Variants in PPP2R1B observed in about 807,000 individuals in gnomAD.
PPP2R1B encodes the protein serine/threonine-protein phosphatase 2A 65 kDa regulatory subunit A beta isoform.
A neutral mutation model predicts 72.7 loss-of-function variants in PPP2R1B; 58 were observed. That is an observed-to-expected ratio of 0.80 (90% CI 0.65 to 0.99). The LOEUF (loss-of-function observed/expected upper bound fraction) is 0.99. Ranked by LOEUF, PPP2R1B falls within the 50% of genes least tolerant of loss-of-function variation. The pLI, the probability that PPP2R1B is intolerant of heterozygous loss-of-function variation, is 0.00. For synonymous variants in PPP2R1B, 256 were observed against 264.6 expected, an observed-to-expected ratio of 0.97 and a Z score of 0.32; for missense variants, 695 against 733.6, an observed-to-expected ratio of 0.95 and a Z score of 0.61.
At chr11:111,712,286 G>A in the PPP2R1B span, 2 of 1,614,182 alleles carry the variant, frequency 1.2e-6, no homozygotes, top group Non-Finnish European at 1.7e-6. Flanking sequence ...CCTCCCCCAG[G>A]CATCCAACGT....
the PPP2R1B span, among the ~76,000 whole-genome samples, chr11:111,721,409 A>C: frequency 6.6e-6 from 1 of 152,222 alleles, no homozygotes; most frequent in Non-Finnish European, 1.5e-5. Flanking sequence ...AACTACACCC[A>C]AATGAGAAGC....
chr11:111,753,557 A>C lies in PPP2R1B; in HGVS notation c.1050T>G (p.Asn350Lys). The part of the protein sequence containing the change: ...PYIKELVSDT[N>K]QHVKSALASV... ...AAGCTAGAGCCGATTTGACATGTTG[A>C]TTGGTATCGGATACTAATTCCTAAA... The change falls in exon 9 of 15, where the codon AAT becomes AAG. Residue 350 changes from asparagine (N) to lysine (K), a missense_variant. Coordinates refer to ENST00000527614, the MANE Select transcript of PPP2R1B (RefSeq NM_002716.5). 1 of 1,610,756 alleles carries C rather than the reference A, an allele frequency of 6.2e-7. No individual in the cohort carries two copies. The highest frequency in any genetic ancestry group is 8.5e-7 in the Non-Finnish European group (1 of 1,178,674).
chr11:111,714,619 C>A, the PPP2R1B span, among the ~76,000 whole-genome samples: 3 of 152,130 alleles, frequency 2.0e-5, no homozygotes, highest in Non-Finnish European at 4.4e-5. Context: ...GGGAGAAGTC[C>A]AAACCAGTAA....
At chr11:111,733,497 T>C (rs2136015251), downstream of PPP2R1B, among the ~76,000 whole-genome samples, 1 of 152,252 alleles carries the variant, frequency 6.6e-6, no homozygotes, top group East Asian at 1.9e-4. Flanking sequence ...TCTCCTCAGG[T>C]CGGCTGGGAC....
intron 3 of PPP2R1B, among the ~76,000 whole-genome samples, chr11:111,762,344 T>C (rs550939734): frequency 1.4e-3 from 209 of 152,334 alleles, no homozygotes; most frequent in African/African-American, 4.5e-3. Flanking sequence ...GAAAAGATAC[T>C]GTTTCTCACT....
At chr11:111,752,118 T>A in intron 10 of PPP2R1B, 41 bp downstream of exon 10, 1 of 1,542,128 alleles carries the variant, frequency 6.5e-7, no homozygotes, top group South Asian at 1.3e-5. Flanking sequence ...ATTGTCACTA[T>A]CTGACACTAC....
At chr11:111,749,584 C>A (rs1455756207) in intron 10 of PPP2R1B, among the ~76,000 whole-genome samples, 4 of 152,126 alleles carry the variant, frequency 2.6e-5, no homozygotes, top group Non-Finnish European at 5.9e-5. Context: ...TACGCCTGGC[C>A]TATTTTCCGG....
At chr11:111,730,287 GTGTC>G (rs1661342866) in intron 15 of PPP2R1B, 1 of 152,206 alleles carries the variant, frequency 6.6e-6, no homozygotes, top group Non-Finnish European at 1.5e-5. Context: ...TGGCTCTGTG[GTGTC>G]TGTCTGCAGA....
chr11:111,739,619 A>AT lies in PPP2R1B; in HGVS notation c.*1976dup. 2.0e-6 allele frequency: 2 copies of AT among 985,448 alleles called. No homozygotes were observed. Among genetic ancestry groups the AT allele is most frequent in the Non-Finnish European group, 2.4e-6 (2 of 829,928 alleles). 61.0% of individuals were successfully genotyped at this position (985,448 alleles called of 1,614,324 possible). On this transcript the variant is annotated 3_prime_UTR_variant, in exon 15 of 15. Coordinates refer to ENST00000527614, the MANE Select transcript of PPP2R1B (RefSeq NM_002716.5). ...GCTCCTCACTGGGAGACACAAGGGC[A>AT]TTTTAAAAGTCTGTCCCCAAAACAA... is the stretch of plus-strand genomic sequence containing the variant.
At chr11:111,743,291 G>C in intron 12 of PPP2R1B, 85 bp downstream of exon 12, 1 of 1,295,740 alleles carries the variant, frequency 7.7e-7, no homozygotes, top group Non-Finnish European at 1.1e-6. Flanking sequence ...CCAAATAGAA[G>C]ACAGTATACT....
downstream of PPP2R1B, chr11:111,724,313 C>T: frequency 2.3e-6 from 2 of 852,682 alleles, no homozygotes; most frequent in South Asian, 1.9e-5. Flanking sequence ...TCTGCCCCAC[C>T]ACAAAGTTTT....
chr11:111,752,429 A>C, intron 9 of PPP2R1B, 97 bp from the exon 10 acceptor site: 8 of 1,223,022 alleles, frequency 6.5e-6, no homozygotes, highest in Non-Finnish European at 8.9e-6. Context: ...GGTAAGACTC[A>C]GGTGAAAAAA....
the PPP2R1B span, among the ~76,000 whole-genome samples, chr11:111,711,645 G>A: frequency 8.5e-5 from 13 of 152,206 alleles, no homozygotes; most frequent in Non-Finnish European, 1.5e-4. Context: ...AGATGTTCCT[G>A]TCACCCCATG....
the PPP2R1B span, chr11:111,701,628 T>C: frequency 1.3e-6 from 2 of 1,583,030 alleles, no homozygotes; most frequent in Non-Finnish European, 1.7e-6. The surrounding 1 kb of genome is among the most constrained non-coding windows in gnomAD (Gnocchi z 4.2). Flanking sequence ...GTGCTCCAAG[T>C]GAAATGCCTA....
chr11:111,715,793 C>CT, the PPP2R1B span, among the ~76,000 whole-genome samples: 12,912 of 81,736 alleles, frequency 0.16, 1,580 homozygotes, highest in South Asian at 0.27. Flanking sequence ...TCATTTTTAG[C>CT]TTTTTTTTTT....
At chr11:111,758,828 A>G (rs1338375594) in intron 5 of PPP2R1B, among the ~76,000 whole-genome samples, 1 of 152,154 alleles carries the variant, frequency 6.6e-6, no homozygotes, top group Non-Finnish European at 1.5e-5. Flanking sequence ...TAAGTTATAC[A>G]TTCATTTTGT....
the PPP2R1B span, chr11:111,719,779 A>G: frequency 1.8e-5 from 29 of 1,612,852 alleles, no homozygotes; most frequent in East Asian, 2.2e-5. Flanking sequence ...GTTTAGGTCA[A>G]TGGCTGTCTG....
At chr11:111,751,319 T>A (rs552266799) in intron 10 of PPP2R1B, among the ~76,000 whole-genome samples, 15 of 152,256 alleles carry the variant, frequency 9.9e-5, no homozygotes, top group African/African-American at 3.6e-4. Context: ...AAACATTTCT[T>A]AAGTCACAAA....
At position 111,765,401 on chromosome 11, in the gene PPP2R1B, A is replaced by G. The variant is rs1555052738; in HGVS notation, c.115-17T>C. On this transcript the variant is annotated splice_polypyrimidine_tract_variant and intron_variant, in intron 1 of 14. Transcript: ENST00000527614. ...GAGTCGGAGCTTCAGAAAAGAAAGT[A>G]GAAAGAAGAACAATGTAAAGAAACG... The G allele has an allele frequency of 6.3e-7, 1 of 1,583,570 alleles. No homozygotes were observed. Among genetic ancestry groups the G allele is most frequent in the Non-Finnish European group, 8.6e-7 (1 of 1,156,742 alleles).
Sources: allele counts gnomAD v4.1 joint callset (sites outside exome capture counted in the v4.1 genomes callset), GRCh38; gene constraint gnomAD v4.1.1; non-coding constraint Gnocchi (gnomAD v3.1); transcripts MANE v1.5; gene names NCBI Gene and HGNC (gene_info 2026-07-23, HGNC 2026-07-21).